Variants in C1orf146 observed in about 807,000 individuals in gnomAD.
C1orf146 encodes the protein protein SPO16 homolog.
Under a neutral mutation model 23.0 loss-of-function variants are expected in C1orf146, and 22 were observed. The observed-to-expected ratio is 0.96, with a 90% CI of 0.68 to 1.36. The LOEUF (loss-of-function observed/expected upper bound fraction) is 1.36, where lower values mean the gene tolerates loss of function less well. Among genes scored for constraint, C1orf146 ranks in the 40% most tolerant of loss-of-function variants. The probability of loss-of-function intolerance (pLI) is 0.00; values close to 1 mark genes in which losing one functional copy is unlikely to be tolerated. For missense variants in C1orf146, 199 were observed against 206.8 expected (o/e 0.96, Z 0.23); for synonymous variants, 59 against 65.3 (o/e 0.90, Z 0.47).
chr1:92,232,031 T>A (rs1197797610), intron 2 of C1orf146, among the ~76,000 whole-genome samples: 2 of 152,222 alleles, frequency 1.3e-5, no homozygotes, highest in Admixed American at 1.3e-4. Context: ...AAATGATTGT[T>A]CCATAGTAAC....
intron 1 of C1orf146, among the ~76,000 whole-genome samples, chr1:92,224,155 A>G (rs1651908162): frequency 1.3e-5 from 2 of 151,470 alleles, no homozygotes; most frequent in South Asian, 4.2e-4. Context: ...GGGTCACACC[A>G]TTCTCCTGCC....
At chr1:92,237,021 T>C (rs539191877) in intron 2 of C1orf146, among the ~76,000 whole-genome samples, 2 of 152,360 alleles carry the variant, frequency 1.3e-5, no homozygotes, top group South Asian at 4.1e-4. Flanking sequence ...TAAATTTTTT[T>C]CAAAGTTTTT....
Position 92,225,371 on chromosome 1 carries a change from T to G in C1orf146, c.-39-6011T>G, listed in dbSNP as rs539982720. Reference sequence around the variant, plus strand: ...GTACACTGGCCTTGGCTCCCCAAAGTGTTGGGATTACAGGCGTGAGCCACT... The same window carrying G: ...GTACACTGGCCTTGGCTCCCCAAAGGGTTGGGATTACAGGCGTGAGCCACT... On this transcript the variant is annotated intron_variant, in intron 1 of 5. Coordinates refer to ENST00000370375, the MANE Select transcript of C1orf146 (RefSeq NM_001012425.2). Among the ~76,000 whole-genome samples the G allele has an allele frequency of 3.2e-4, 49 of 152,280 alleles. 1 individual carries two copies. The highest frequency in any genetic ancestry group is 1.2e-3 in the African/African-American group (48 of 41,542).
At chr1:92,225,434 TC>T (rs1175341875) in intron 1 of C1orf146, among the ~76,000 whole-genome samples, 1 of 152,196 alleles carries the variant, frequency 6.6e-6, no homozygotes, top group East Asian at 1.9e-4. Context: ...GCTATGTGTT[TC>T]CCTCTAAGTA....
chr1:92,222,072 A>G (rs1284090033), intron 1 of C1orf146, among the ~76,000 whole-genome samples: 2 of 152,032 alleles, frequency 1.3e-5, no homozygotes, highest in Non-Finnish European at 2.9e-5. Flanking sequence ...ACCCCATCTT[A>G]ACTAAAAATA....
intron 2 of C1orf146, among the ~76,000 whole-genome samples, chr1:92,233,846 C>G (rs1479691348): frequency 6.6e-6 from 1 of 152,018 alleles, no homozygotes; most frequent in East Asian, 1.9e-4. Flanking sequence ...AGGTGGATTC[C>G]TAGGTATTTT....
chr1:92,223,001 A>G (rs546510805), intron 1 of C1orf146, among the ~76,000 whole-genome samples: 2 of 152,108 alleles, frequency 1.3e-5, no homozygotes, highest in East Asian at 1.9e-4. Context: ...ATGTGTATCA[A>G]TAGTTCATTC....
At chr1:92,219,068 T>C (rs1242785805) in intron 1 of C1orf146, among the ~76,000 whole-genome samples, 1 of 152,256 alleles carries the variant, frequency 6.6e-6, no homozygotes, top group East Asian at 1.9e-4. Flanking sequence ...TGAACATTTA[T>C]GGATTACTAA....
chr1:92,242,193 C>A lies in C1orf146; in HGVS notation c.67-19C>A, dbSNP rs1320984070. ...GTAAGCATGCCTTAAATTTGTATTTCTGATATTTTTTAAAAAAGAGTTATG... is the reference window on the plus strand; with the variant it reads ...GTAAGCATGCCTTAAATTTGTATTTATGATATTTTTTAAAAAAGAGTTATG... On this transcript the variant is annotated intron_variant, in intron 2 of 5. Coordinates refer to ENST00000370375, the MANE Select transcript of C1orf146 (RefSeq NM_001012425.2). 8.3e-6 allele frequency: 12 copies of A among 1,444,084 alleles called. No individual in the cohort carries two copies. Among genetic ancestry groups the A allele is most frequent in the Non-Finnish European group, 1.1e-5 (12 of 1,046,454 alleles). The allele number at this position is 1,444,084 out of a possible 1,614,324, so 89.5% of individuals were successfully genotyped here.
intron 1 of C1orf146, among the ~76,000 whole-genome samples, chr1:92,227,743 T>C (rs1652004026): frequency 6.6e-6 from 1 of 152,182 alleles, no homozygotes; most frequent in Non-Finnish European, 1.5e-5. Flanking sequence ...TTCAGTTGCC[T>C]CCTAGCTACC....
At chr1:92,244,479 G>T in intron 4 of C1orf146, 94 bp downstream of exon 4, 2 of 931,044 alleles carry the variant, frequency 2.1e-6, no homozygotes, top group South Asian at 1.8e-5. Context: ...GCTAGATGAT[G>T]AACACTGTGA....
intron 1 of C1orf146, among the ~76,000 whole-genome samples, chr1:92,222,235 C>T (rs1417671534): frequency 1.3e-5 from 2 of 151,944 alleles, no homozygotes; most frequent in East Asian, 1.9e-4. Flanking sequence ...AGTGAGATTC[C>T]GTCTCAAAAA....
At chr1:92,218,539 C>T (rs369660290) in intron 1 of C1orf146, among the ~76,000 whole-genome samples, 9 of 152,090 alleles carry the variant, frequency 5.9e-5, no homozygotes, top group African/African-American at 2.2e-4. Flanking sequence ...GGCCACTGGG[C>T]CCACGCTTTT....
chr1:92,244,108 G>C, intron 3 of C1orf146, 109 bp from the exon 4 acceptor site: 1 of 671,126 alleles, frequency 1.5e-6, no homozygotes, highest in South Asian at 1.9e-5. Flanking sequence ...TATGAGTTTA[G>C]GGCTTGGACA....
At chr1:92,244,582 G>A (rs546355999) in intron 4 of C1orf146, among the ~76,000 whole-genome samples, 197 bp downstream of exon 4, 1 of 152,306 alleles carries the variant, frequency 6.6e-6, no homozygotes, top group South Asian at 2.1e-4. Context: ...GCTTCTCCAA[G>A]ACCAAGCCAA....
intron 1 of C1orf146, among the ~76,000 whole-genome samples, chr1:92,224,250 C>A (rs1157146968): frequency 6.6e-6 from 1 of 151,264 alleles, no homozygotes; most frequent in East Asian, 2.0e-4. Context: ...CAGGTTGTCA[C>A]TGTTAGCCAG....
intron 2 of C1orf146, among the ~76,000 whole-genome samples, chr1:92,232,678 C>T (rs905454995): frequency 2.6e-5 from 4 of 151,712 alleles, no homozygotes; most frequent in Non-Finnish European, 5.9e-5. Flanking sequence ...CCTGAGGAAT[C>T]ACCACACTGT....
intron 2 of C1orf146, among the ~76,000 whole-genome samples, chr1:92,239,957 C>G (rs1010546652): frequency 1.3e-5 from 2 of 152,134 alleles, no homozygotes; most frequent in Admixed American, 1.3e-4. Flanking sequence ...TCCTATACAT[C>G]TAGAGTGTTG....
chr1:92,244,489 A>G, intron 4 of C1orf146, 104 bp downstream of exon 4: 1 of 841,318 alleles, frequency 1.2e-6, no homozygotes, highest in Non-Finnish European at 1.8e-6. Flanking sequence ...GAACACTGTG[A>G]TGTTAACCTA....
Sources: gnomAD v4.1 joint callset for allele counts (sites outside exome capture counted in the v4.1 genomes callset) on GRCh38, gnomAD v4.1.1 for gene constraint, MANE v1.5 for transcripts, NCBI Gene and HGNC (gene_info 2026-07-23, HGNC 2026-07-21) for gene names.